The following NCMAP variants were observed in gnomAD, a reference collection of about 807,000 sequenced individuals.
NCMAP encodes noncompact myelin-associated protein.
A neutral mutation model predicts 7.8 loss-of-function variants in NCMAP; 8 were observed. The observed-to-expected ratio is 1.02, with a 90% confidence interval of 0.60 to 1.84. NCMAP has a LOEUF of 1.84. Ranked by LOEUF, NCMAP falls within the 40% of genes most tolerant of loss-of-function variation. The probability of loss-of-function intolerance (pLI) is 0.00; values close to 1 mark genes in which losing one functional copy is unlikely to be tolerated. For missense variants in NCMAP, 112 were observed against 131.4 expected, an observed-to-expected ratio of 0.85 and a Z score of 0.72; for synonymous variants, 41 against 52.9, an observed-to-expected ratio of 0.78 and a Z score of 0.98.
At chr1:24,557,422 T>C (rs558198857) in intron 1 of NCMAP, among the ~76,000 whole-genome samples, 1 of 116,842 alleles carries the variant, frequency 8.6e-6, no homozygotes. Context: ...CTTGTGTGCA[T>C]GTGTGTGCAT....
intron 2 of NCMAP, among the ~76,000 whole-genome samples, chr1:24,597,615 A>AC (rs1557602474): frequency 7.8e-4 from 54 of 69,038 alleles, no homozygotes; most frequent in African/African-American, 1.8e-3. Flanking sequence ...GAAAGAAAGA[A>AC]AGAGAAAGAA....
rs71032830 is a variant in NCMAP, at chr1:24,583,717, G to GAA, written c.-7-11687_-7-11686dup. On this transcript the variant is annotated intron_variant, in intron 1 of 3. Transcript: ENST00000374392. ...GGTGACAGAGCAAGACTCCGTCTCA[G>GAA]AAAAAAAAAAAAAAAAAAAAAGTGA... 2.5e-3 allele frequency among the ~76,000 whole-genome samples: 265 copies of GAA among 104,026 alleles called. 1 individual carries two copies. The highest frequency in any genetic ancestry group is 6.2e-3 in the African/African-American group (169 of 27,362). The allele number at this position is 104,026 out of a possible 152,430, so 68.2% of individuals were successfully genotyped here.
intron 1 of NCMAP, among the ~76,000 whole-genome samples, chr1:24,594,845 T>C (rs752991798): frequency 6.6e-6 from 1 of 152,214 alleles, no homozygotes; most frequent in Non-Finnish European, 1.5e-5. Context: ...GAGCCGTGAT[T>C]GCACCACTGC....
intron 1 of NCMAP, among the ~76,000 whole-genome samples, chr1:24,586,037 C>T (rs184154883): frequency 6.6e-6 from 1 of 152,320 alleles, no homozygotes; most frequent in East Asian, 1.9e-4. Context: ...GGGCTGGGAA[C>T]TGGCATGAGC....
At chr1:24,589,731 G>A (rs535320253) in intron 1 of NCMAP, 165 of 152,448 alleles carry the variant, frequency 1.1e-3, no homozygotes, top group Non-Finnish European at 2.0e-3. Flanking sequence ...TGGTAGGAAG[G>A]ATGCAGACGT....
rs1337931415 is a variant in NCMAP, at chr1:24,573,971, A to AAAAAAAAAAAAC, written c.-8+17802_-8+17803insAAAAAAAAAAAC. 8.0e-5 allele frequency among the ~76,000 whole-genome samples: 11 copies of AAAAAAAAAAAAC among 137,536 alleles called. 1 individual carries two copies. The highest frequency in any genetic ancestry group is 2.3e-4 in the African/African-American group (8 of 34,130). 90.2% of individuals were successfully genotyped at this position (137,536 alleles called of 152,430 possible). A position where few individuals can be genotyped will look rare whatever the true frequency, so the allele number is the denominator to read the frequency against. On this transcript the variant is annotated intron_variant, in intron 1 of 3. Transcript: ENST00000374392. ...AGAGGACAAAAAAAAAAAAAAAAAA[A>AAAAAAAAAAAAC]CAGAAAAAAGGGGGAATATGTCAGT...
chr1:24,585,226 A>G (rs944358618), intron 1 of NCMAP, among the ~76,000 whole-genome samples: 7 of 151,996 alleles, frequency 4.6e-5, no homozygotes, highest in Non-Finnish European at 8.8e-5. Flanking sequence ...ATCCAAGAGG[A>G]ATAGAGGGTG....
chr1:24,598,010 G>C (rs541681917), intron 2 of NCMAP, among the ~76,000 whole-genome samples: 1 of 152,220 alleles, frequency 6.6e-6, no homozygotes, highest in East Asian at 1.9e-4. Flanking sequence ...CTGGCATCTA[G>C]TAGATAGAGG....
chr1:24,601,169 T>C (rs1401335671), intron 3 of NCMAP, 145 bp downstream of exon 3: 5 of 645,146 alleles, frequency 7.8e-6, no homozygotes, highest in African/African-American at 3.6e-5. Flanking sequence ...GGGATCCTTT[T>C]TGCAGTCTGT....
At chr1:24,564,074 A>T (rs1651140195) in intron 1 of NCMAP, 1 of 152,210 alleles carries the variant, frequency 6.6e-6, no homozygotes, top group Non-Finnish European at 1.5e-5. Flanking sequence ...AAAATTTAAG[A>T]TTTAAAAAAT....
At chr1:24,598,782 CTTGT>C (rs1652348344) in intron 2 of NCMAP, among the ~76,000 whole-genome samples, 1 of 151,610 alleles carries the variant, frequency 6.6e-6, no homozygotes. Flanking sequence ...GGATTACAGG[CTTGT>C]ACCACCAGGC....
intron 1 of NCMAP, among the ~76,000 whole-genome samples, chr1:24,581,079 C>T (rs1334997717): frequency 3.3e-5 from 5 of 150,928 alleles, no homozygotes; most frequent in Non-Finnish European, 5.9e-5. Flanking sequence ...GATGAATAGT[C>T]GTGCTCCATC....
chr1:24,596,356 C>A (rs1652225970), intron 2 of NCMAP, among the ~76,000 whole-genome samples: 2 of 152,116 alleles, frequency 1.3e-5, no homozygotes, highest in African/African-American at 2.4e-5. Context: ...AAATTTGAAT[C>A]TCTTATAAAA....
At chr1:24,571,595 T>C (rs909862200) in intron 1 of NCMAP, among the ~76,000 whole-genome samples, 2 of 150,656 alleles carry the variant, frequency 1.3e-5, no homozygotes, top group African/African-American at 5.0e-5. Flanking sequence ...ATATACTTTT[T>C]TTTTCTTTGA....
intron 1 of NCMAP, among the ~76,000 whole-genome samples, chr1:24,565,033 A>G (rs1374969941): frequency 6.6e-6 from 1 of 152,254 alleles, no homozygotes; most frequent in African/African-American, 2.4e-5. Flanking sequence ...GCAGGAAATA[A>G]ATAATGAAAG....
chr1:24,608,634 C>T lies in NCMAP; in HGVS notation c.*2887C>T, dbSNP rs1334675319. On this transcript the variant is annotated 3_prime_UTR_variant, in exon 4 of 4. Transcript: ENST00000374392. ...GTTTTGGGGCAGCTGTGGTGGTGCA[C>T]CCCTGTAATCCCAGCCCTTTGGGAG... The T allele has an allele frequency of 1.3e-5, 2 of 152,290 alleles. No homozygotes were observed. Among genetic ancestry groups the T allele is most frequent in the Admixed American group, 6.5e-5 (1 of 15,274 alleles). The allele number at this position is 152,290 out of a possible 1,614,324, so 9.4% of individuals were successfully genotyped here.
At chr1:24,592,792 G>A (rs374728226) in intron 1 of NCMAP, among the ~76,000 whole-genome samples, 60 of 152,202 alleles carry the variant, frequency 3.9e-4, no homozygotes, top group African/African-American at 1.2e-3. Flanking sequence ...GGTGGCGGGC[G>A]CCTGTAGTCC....
At chr1:24,558,634 C>A (rs980933622) in intron 1 of NCMAP, among the ~76,000 whole-genome samples, 1 of 152,160 alleles carries the variant, frequency 6.6e-6, no homozygotes, top group African/African-American at 2.4e-5. Context: ...AAGCTGACCC[C>A]CCCTCATCCT....
At chr1:24,571,656 G>A (rs1432910064) in intron 1 of NCMAP, among the ~76,000 whole-genome samples, 1 of 149,708 alleles carries the variant, frequency 6.7e-6, no homozygotes, top group Non-Finnish European at 1.5e-5. Flanking sequence ...CACGATCTCG[G>A]CTCACTGCAA....
Sources: allele counts gnomAD v4.1 joint callset (sites outside exome capture counted in the v4.1 genomes callset), GRCh38; gene constraint gnomAD v4.1.1; transcripts MANE v1.5; gene names NCBI Gene and HGNC (gene_info 2026-07-23, HGNC 2026-07-21).